The following SGCZ variants were observed in gnomAD, a reference collection of about 807,000 sequenced individuals.
SGCZ encodes zeta-sarcoglycan.
In SGCZ, 40 loss-of-function variants were observed where a neutral mutation model predicts 41.3. The ratio of observed to expected loss-of-function variants is 0.97; its 90% CI spans 0.75 to 1.26. SGCZ has a LOEUF of 1.26. SGCZ is among the 50% of genes most tolerant of loss of function. The probability of loss-of-function intolerance (pLI) is 0.00; values close to 1 mark genes in which losing one functional copy is unlikely to be tolerated. For missense variants in SGCZ, 552 were observed against 369.8 expected, an observed-to-expected ratio of 1.49 and a Z score of -4.04; for synonymous variants, 206 against 137.5, an observed-to-expected ratio of 1.50 and a Z score of -3.49.
rs917868125 is a variant in SGCZ, at chr8:14,411,603, G to A, written c.235-87399C>T. 2.0e-5 allele frequency among the ~76,000 whole-genome samples: 3 copies of A among 151,958 alleles called. No individual in the cohort carries two copies. In the South Asian group the frequency reaches 6.2e-4, roughly 32 times the overall value. On this transcript the variant is annotated intron_variant, in intron 2 of 7. Coordinates refer to ENST00000382080, the MANE Select transcript of SGCZ (RefSeq NM_139167.4). ...CCCCAAACCTCTAGGCTTTCTGAGG[G>A]TATGAGCCATATTTATTACTTTAGA...
intron 2 of SGCZ, among the ~76,000 whole-genome samples, chr8:14,327,324 T>C (rs549369535): frequency 4.3e-4 from 66 of 152,296 alleles, no homozygotes; most frequent in South Asian, 1.9e-3. Flanking sequence ...AGAGTATTAA[T>C]TAGAACCTAT....
chr8:14,252,571 T>A (rs1438317213), intron 3 of SGCZ, among the ~76,000 whole-genome samples: 1 of 152,140 alleles, frequency 6.6e-6, no homozygotes, highest in Non-Finnish European at 1.5e-5. Flanking sequence ...GTGAGAAGCC[T>A]AAGGAACCAG....
At chr8:14,883,479 G>GA (rs1281499680) in intron 1 of SGCZ, among the ~76,000 whole-genome samples, 1 of 151,608 alleles carries the variant, frequency 6.6e-6, no homozygotes, top group Non-Finnish European at 1.5e-5. Flanking sequence ...AAAAAAGGAA[G>GA]AAAAAAAACT....
chr8:14,324,376 G>A (rs1358352949), intron 2 of SGCZ, among the ~76,000 whole-genome samples, 172 bp from the exon 3 acceptor site: 1 of 152,092 alleles, frequency 6.6e-6, no homozygotes. Context: ...CATGCATATA[G>A]AGGGCTCTAT....
intron 5 of SGCZ, among the ~76,000 whole-genome samples, chr8:14,148,898 A>G (rs1185822034): frequency 2.0e-5 from 3 of 152,132 alleles, no homozygotes; most frequent in African/African-American, 7.2e-5. Context: ...AAACCAATCG[A>G]TGTGGTACAT....
At chr8:14,764,206 A>G (rs1206998956) in intron 1 of SGCZ, among the ~76,000 whole-genome samples, 4 of 152,242 alleles carry the variant, frequency 2.6e-5, no homozygotes, top group Admixed American at 2.6e-4. Context: ...TCACAGAAAT[A>G]TGTCAGATAA....
At chr8:15,098,373 G>GA (rs1404083176) in intron 1 of SGCZ, among the ~76,000 whole-genome samples, 1 of 152,076 alleles carries the variant, frequency 6.6e-6, no homozygotes, top group Non-Finnish European at 1.5e-5. Context: ...AGAACTAAAA[G>GA]AAAATCATAC....
intron 1 of SGCZ, among the ~76,000 whole-genome samples, chr8:14,624,776 G>C (rs1279308159): frequency 6.6e-6 from 1 of 151,282 alleles, no homozygotes; most frequent in Non-Finnish European, 1.5e-5. Context: ...TCACCATGTT[G>C]GCCAGGCTGC....
At chr8:14,406,698 G>C (rs10102303) in intron 2 of SGCZ, among the ~76,000 whole-genome samples, 2,677 of 141,162 alleles carry the variant, frequency 0.019, 88 homozygotes, top group African/African-American at 0.069. Context: ...GGCAATCCCT[G>C]AAAATTACTG....
At chr8:14,371,796 T>A (rs1803917787) in intron 2 of SGCZ, among the ~76,000 whole-genome samples, 1 of 152,162 alleles carries the variant, frequency 6.6e-6, no homozygotes. Flanking sequence ...GGAAACGTTA[T>A]CTTTACATTA....
At position 14,448,009 on chromosome 8, in the gene SGCZ, A is replaced by C. The variant is rs199922942; in HGVS notation, c.234+106723T>G. On this transcript the variant is annotated intron_variant, in intron 2 of 7. Transcript: ENST00000382080. ...AGTGGTGAATTTCCTTTCTGAAGTT[A>C]AAATAGTCTGAAATCGGGGTGAAAA... Among the ~76,000 whole-genome samples the C allele has an allele frequency of 3.5e-4, 54 of 152,274 alleles. No individual in the cohort carries two copies. The East Asian group carries it at 0.01, about 29-fold the overall frequency.
intron 1 of SGCZ, among the ~76,000 whole-genome samples, chr8:15,174,538 A>C (rs1413066170): frequency 1.3e-5 from 2 of 152,238 alleles, no homozygotes. Flanking sequence ...TATACCTATA[A>C]AAACAAAGAC....
intron 1 of SGCZ, among the ~76,000 whole-genome samples, chr8:14,729,379 T>C (rs920224984): frequency 6.6e-6 from 1 of 152,126 alleles, no homozygotes; most frequent in East Asian, 1.9e-4. Flanking sequence ...AATTCATACA[T>C]TGAAACCCTA....
At chr8:14,595,588 A>C (rs10453158) in intron 1 of SGCZ, among the ~76,000 whole-genome samples, 1 of 152,158 alleles carries the variant, frequency 6.6e-6, no homozygotes, top group Non-Finnish European at 1.5e-5. Context: ...GCAGCTGGCT[A>C]ACCTTGAACT....
intron 5 of SGCZ, among the ~76,000 whole-genome samples, chr8:14,133,462 C>G (rs188511111): frequency 6.6e-6 from 1 of 152,118 alleles, no homozygotes; most frequent in Non-Finnish European, 1.5e-5. Context: ...TTCACGTAGT[C>G]TCCAGACAGG....
At chr8:14,518,801 G>C (rs1802701475) in intron 2 of SGCZ, among the ~76,000 whole-genome samples, 1 of 150,224 alleles carries the variant, frequency 6.7e-6, no homozygotes, top group Non-Finnish European at 1.5e-5. Context: ...ATAATATAGA[G>C]AGATATACAC....
intron 4 of SGCZ, among the ~76,000 whole-genome samples, chr8:14,221,658 G>A (rs1871101): frequency 5.3e-5 from 8 of 151,996 alleles, no homozygotes; most frequent in South Asian, 4.2e-4. Context: ...AAGTGGGGTC[G>A]GGTGTGGTGG....
chr8:14,837,924 C>T (rs1392507320), intron 1 of SGCZ, among the ~76,000 whole-genome samples: 1 of 152,034 alleles, frequency 6.6e-6, no homozygotes, highest in Non-Finnish European at 1.5e-5. Flanking sequence ...GTGTTAGAAA[C>T]ATTCCAATTC....
chr8:14,143,461 T>C (rs1011456449), intron 5 of SGCZ, among the ~76,000 whole-genome samples: 1 of 152,186 alleles, frequency 6.6e-6, no homozygotes, highest in Non-Finnish European at 1.5e-5. Flanking sequence ...ATAAATGCAG[T>C]CAGTAAAGTC....
Sources: gnomAD v4.1 joint callset for allele counts (sites outside exome capture counted in the v4.1 genomes callset) on GRCh38, gnomAD v4.1.1 for gene constraint, MANE v1.5 for transcripts, NCBI Gene and HGNC (gene_info 2026-07-23, HGNC 2026-07-21) for gene names.